The following USP43 variants were observed in gnomAD, a reference collection of about 807,000 sequenced individuals.
The protein encoded by USP43 is ubiquitin specific peptidase 43.
A neutral mutation model predicts 90.7 loss-of-function variants in USP43; 33 were observed. That is an observed-to-expected ratio of 0.36 (90% confidence interval 0.28 to 0.49). USP43 has a LOEUF of 0.49. USP43 is among the 20% of genes least tolerant of loss of function. The pLI is 0.98. For missense variants in USP43, 1,274 were observed against 1,476.4 expected (o/e 0.86, Z 2.25); for synonymous variants, 598 against 615.8 (o/e 0.97, Z 0.43).
In USP43 at chr17:9,656,484, C is replaced by T. The variant is rs367717801; in HGVS notation, c.586C>T (p.Arg196Cys). ...ALEFLLWLLDRVHEDLEGSSR... is the reference protein window; with the variant it reads ...ALEFLLWLLDCVHEDLEGSSR... ...GGAATTCCTGCTCTGGTTGCTGGAT[C>T]GTGTACATGAGGACCTGGAGGGTTC... Residue 196 changes from arginine to cysteine, a missense_variant, in exon 2 of 15, where the codon CGT becomes TGT. By Grantham distance (180) the Arg-to-Cys change is radical (BLOSUM62 -3). This residue lies in a region of USP43 where 259 missense variants were observed against 373.7 expected (regional missense o/e 0.69). Transcript: ENST00000285199. 14 of 1,610,126 alleles carry T rather than the reference C, an allele frequency of 8.7e-6. No individual in the cohort carries two copies. Among genetic ancestry groups the T allele is most frequent in the Admixed American group, 3.4e-5 (2 of 59,440 alleles).
chr17:9,667,647 T>C (rs1318063757), intron 3 of USP43, among the ~76,000 whole-genome samples: 1 of 152,046 alleles, frequency 6.6e-6, no homozygotes, highest in Non-Finnish European at 1.5e-5. Context: ...GAAGTACGAA[T>C]GGGTAGGAAG....
intron 5 of USP43, among the ~76,000 whole-genome samples, chr17:9,678,742 G>A (rs1187731886): frequency 1.4e-5 from 2 of 147,272 alleles, no homozygotes. Context: ...TTTTTAGATT[G>A]AACAGTCTTT....
intron 3 of USP43, among the ~76,000 whole-genome samples, chr17:9,669,037 G>T (rs1264473821): frequency 6.6e-6 from 1 of 151,674 alleles, no homozygotes; most frequent in African/African-American, 2.4e-5. Flanking sequence ...GTAGAGATGG[G>T]GTTTTACCAT....
At chr17:9,697,933 G>A (rs1231507176) in intron 9 of USP43, among the ~76,000 whole-genome samples, 1 of 152,144 alleles carries the variant, frequency 6.6e-6, no homozygotes. Flanking sequence ...CATAGGAGTT[G>A]AACTAATTTA....
At chr17:9,715,969 ATG>A (rs532624704) in intron 14 of USP43, among the ~76,000 whole-genome samples, 6 of 133,062 alleles carry the variant, frequency 4.5e-5, no homozygotes, top group South Asian at 2.5e-4. Flanking sequence ...ATCTGTGTAT[ATG>A]TGTGTGTGTC....
intron 2 of USP43, among the ~76,000 whole-genome samples, chr17:9,662,610 A>G (rs999577710): frequency 5.3e-5 from 8 of 151,588 alleles, no homozygotes; most frequent in South Asian, 4.2e-4. Flanking sequence ...TGTTTCCTGA[A>G]CCCTTGAGCC....
chr17:9,725,759 T>C (rs957732181), intron 14 of USP43, among the ~76,000 whole-genome samples: 4 of 152,162 alleles, frequency 2.6e-5, no homozygotes, highest in African/African-American at 9.7e-5. Flanking sequence ...AACTGCTATT[T>C]CGGGCAGCTG....
At chr17:9,692,826 T>G (rs1485221305) in intron 8 of USP43, among the ~76,000 whole-genome samples, 1 of 152,210 alleles carries the variant, frequency 6.6e-6, no homozygotes, top group Admixed American at 6.5e-5. Flanking sequence ...TTATGTTCCA[T>G]TACATGTACC....
rs529955555 is a variant in USP43, at chr17:9,648,864, T to C, written c.504+2728T>C. On this transcript the variant is annotated intron_variant, in intron 1 of 14. Transcript: ENST00000285199. ...TTCTCTTTCTGTTTCTCTTTCTCTCTCTCTTTTCCTTCCTTCCTTCCTCTT... is the reference window on the plus strand; with the variant it reads ...TTCTCTTTCTGTTTCTCTTTCTCTCCCTCTTTTCCTTCCTTCCTTCCTCTT... 1.1e-3 allele frequency among the ~76,000 whole-genome samples: 165 copies of C among 151,970 alleles called. 3 individuals are homozygous for C. The highest frequency in any genetic ancestry group is 2.4e-3 in the African/African-American group (100 of 41,456).
intron 3 of USP43, among the ~76,000 whole-genome samples, chr17:9,667,007 C>T (rs1913075588): frequency 6.6e-6 from 1 of 152,068 alleles, no homozygotes; most frequent in Non-Finnish European, 1.5e-5. Context: ...AGGATGATTC[C>T]ACAGAAGGTA....
At chr17:9,654,963 C>G (rs1286820132) in intron 1 of USP43, among the ~76,000 whole-genome samples, 1 of 151,782 alleles carries the variant, frequency 6.6e-6, no homozygotes, top group Non-Finnish European at 1.5e-5. Flanking sequence ...GTGTCGAACT[C>G]CTGACTTAAA....
Position 9,646,663 on chromosome 17 carries a change from A to G in USP43, c.504+527A>G, listed in dbSNP as rs141148278. 4.0e-4 allele frequency among the ~76,000 whole-genome samples: 61 copies of G among 152,276 alleles called. No individual in the cohort carries two copies. In the East Asian group the frequency reaches 0.01, roughly 26 times the overall value. On this transcript the variant is annotated intron_variant, in intron 1 of 14. Coordinates refer to ENST00000285199, the MANE Select transcript of USP43 (RefSeq NM_153210.5). ...CTGAGTGCTGGAGACAGGGAAAGAA[A>G]AGCAGTGGCGTTGGAGCTTAGGAGG...
At position 9,728,777 on chromosome 17, in the gene USP43, G is replaced by A. The variant is rs1917421139; in HGVS notation, c.3159G>A (p.Arg1053=). Residue 1053 remains arginine (R), a synonymous_variant, in exon 15 of 15, where the codon AGG becomes AGA. Coordinates refer to ENST00000285199, the MANE Select transcript of USP43 (RefSeq NM_153210.5). This position sits in a 1 kb window ranked among gnomAD's most constrained non-coding sequence, Gnocchi z 6.2. ...PALRIPEGLA[R]GLGSRLERDV... ...TCAGGATCCCAGAGGGCCTGGCCAG[G>A]GGCCTGGGCAGCCGGCTCGAGAGGG... 6.2e-7 allele frequency: 1 copy of A among 1,608,122 alleles called. No homozygotes were observed. The highest frequency in any genetic ancestry group is 1.1e-5 in the South Asian group (1 of 90,616).
In USP43 at chr17:9,655,071, AAAAG is replaced by A. The variant is rs1471262229; in HGVS notation, c.505-1323_505-1320del. Reference sequence around the variant, plus strand: ...CTCCTTTAAATCTCAAGGGAAAATTAAAAGAAAGAAAGGAAAAAAAAAAAAAAAA... The same window carrying A: ...CTCCTTTAAATCTCAAGGGAAAATTAAAAGAAAGGAAAAAAAAAAAAAAAA... On this transcript the variant is annotated intron_variant, in intron 1 of 14. Transcript: ENST00000285199. Among the ~76,000 whole-genome samples the A allele has an allele frequency of 2.7e-5, 4 of 149,946 alleles. No individual in the cohort carries two copies. The East Asian group carries it at 7.8e-4, about 29-fold the overall frequency.
chr17:9,694,854 CCT>C (rs375971204), intron 9 of USP43, among the ~76,000 whole-genome samples: 116 of 152,148 alleles, frequency 7.6e-4, no homozygotes, highest in African/African-American at 2.5e-3. Context: ...GAACTCCTGA[CCT>C]CAAGTGATCC....
intron 6 of USP43, 60 bp from the exon 7 acceptor site, chr17:9,682,763 T>C (rs1914371515): frequency 1.9e-5 from 30 of 1,584,348 alleles, no homozygotes; most frequent in Non-Finnish European, 2.5e-5. Flanking sequence ...AAGCTAAGGC[T>C]CTGACCCAGG....
intron 3 of USP43, among the ~76,000 whole-genome samples, chr17:9,670,953 G>A (rs966398222): frequency 4.6e-5 from 7 of 152,142 alleles, no homozygotes; most frequent in African/African-American, 7.2e-5. Flanking sequence ...CCTGGCTGGC[G>A]TCTCCTGCTG....
At chr17:9,681,159 C>CTATATAATATATAGTATATATTATATAG (rs1914171955) in intron 6 of USP43, among the ~76,000 whole-genome samples, 7 of 90,906 alleles carry the variant, frequency 7.7e-5, no homozygotes, top group African/African-American at 4.6e-4. Flanking sequence ...ATAATATATA[C>CTATATAATATATAGTATATATTATATAG]TATATAATAT....
rs1232293536 is a variant in USP43 at position 9,711,978 on chromosome 17, C to T, written c.2181C>T (p.Ser727=). Residue 727 remains serine (S), a synonymous_variant, in exon 14 of 15, where the codon AGC becomes AGT. Coordinates refer to ENST00000285199, the MANE Select transcript of USP43 (RefSeq NM_153210.5). ...GTGTTTCCTCCACAGGCTCTACCAG[C>T]TCCTCCCTGTCTGATCACTGGCTCT... ...SASSSMRGST[S]SSLSDHWLLR... is the part of the protein sequence containing the mutation. 2 of 1,606,752 alleles carry T rather than the reference C, an allele frequency of 1.2e-6. No individual in the cohort carries two copies. The highest frequency in any genetic ancestry group is 1.3e-5 in the African/African-American group (1 of 74,784).
Sources: allele counts gnomAD v4.1 joint callset (sites outside exome capture counted in the v4.1 genomes callset), GRCh38; gene constraint gnomAD v4.1.1; regional missense constraint gnomAD v4.1.1; non-coding constraint Gnocchi (gnomAD v3.1); transcripts MANE v1.5; gene names NCBI Gene and HGNC (gene_info 2026-07-23, HGNC 2026-07-21).